Variants in RANBP17 observed in about 807,000 individuals in gnomAD.
The protein encoded by RANBP17 is ran-binding protein 17.
RANBP17 carries 158 observed loss-of-function variants against 141.2 expected under a neutral mutation model. The observed-to-expected ratio is 1.12, with a 90% CI of 0.98 to 1.28. RANBP17 has a LOEUF of 1.28. RANBP17 is among the 50% of genes most tolerant of loss of function. RANBP17 has a pLI of 0.00. For missense variants in RANBP17, 1,438 were observed against 1,290.7 expected, an observed-to-expected ratio of 1.11 and a Z score of -1.75; for synonymous variants, 430 against 450.0, an observed-to-expected ratio of 0.96 and a Z score of 0.56.
At chr5:170,902,960 C>T (rs570321242) in intron 5 of RANBP17, among the ~76,000 whole-genome samples, 7 of 152,310 alleles carry the variant, frequency 4.6e-5, no homozygotes, top group East Asian at 1.9e-4. Flanking sequence ...TGTCTGTTGA[C>T]GCCTGCTGGG....
At chr5:170,973,499 C>T (rs1777139042) in intron 14 of RANBP17, among the ~76,000 whole-genome samples, 1 of 151,964 alleles carries the variant, frequency 6.6e-6, no homozygotes, top group South Asian at 2.1e-4. Context: ...ACACAATAGA[C>T]AAAGTAATAA....
intron 14 of RANBP17, among the ~76,000 whole-genome samples, chr5:171,114,050 AAATT>A (rs1342975987): frequency 1.3e-5 from 2 of 152,106 alleles, no homozygotes; most frequent in African/African-American, 4.8e-5. Context: ...ATTTTAAAAT[AAATT>A]AATATTTTTT....
At chr5:170,882,694 T>G (rs1768814389) in intron 3 of RANBP17, among the ~76,000 whole-genome samples, 1 of 152,224 alleles carries the variant, frequency 6.6e-6, no homozygotes, top group South Asian at 2.1e-4. Flanking sequence ...ATCAAAATCA[T>G]TTGGGGTATA....
intron 16 of RANBP17, among the ~76,000 whole-genome samples, chr5:171,175,193 C>CTATCA (rs1349790202): frequency 6.6e-6 from 1 of 152,146 alleles, no homozygotes; most frequent in African/African-American, 2.4e-5. Flanking sequence ...TTTATCCAGT[C>CTATCA]TATCATTGAT....
intron 14 of RANBP17, among the ~76,000 whole-genome samples, chr5:171,104,015 G>A (rs757554822): frequency 3.3e-5 from 5 of 152,150 alleles, no homozygotes; most frequent in South Asian, 2.1e-4. Flanking sequence ...TGTTGGCCTC[G>A]CTGGGAGCTT....
intron 12 of RANBP17, among the ~76,000 whole-genome samples, chr5:170,930,570 TCCCC>T (rs1773283536): frequency 6.6e-6 from 1 of 151,816 alleles, no homozygotes; most frequent in African/African-American, 2.4e-5. Flanking sequence ...CTCCCCCCAC[TCCCC>T]GGCAGGCCCT....
chr5:170,973,114 G>C (rs1229841579), intron 14 of RANBP17, among the ~76,000 whole-genome samples: 1 of 152,078 alleles, frequency 6.6e-6, no homozygotes, highest in Admixed American at 6.6e-5. Flanking sequence ...TTAATGCCAG[G>C]GATGCAAAAG....
intron 21 of RANBP17, among the ~76,000 whole-genome samples, chr5:171,216,009 G>A (rs1000839262): frequency 6.6e-6 from 1 of 152,072 alleles, no homozygotes; most frequent in African/African-American, 2.4e-5. Flanking sequence ...GTATTGCCTA[G>A]GTTTTCTTCT....
chr5:171,017,441 C>A (rs1420728797), intron 14 of RANBP17, among the ~76,000 whole-genome samples: 1 of 152,178 alleles, frequency 6.6e-6, no homozygotes, highest in Non-Finnish European at 1.5e-5. Context: ...TTAATAATCA[C>A]CATTCTGGCT....
At position 171,060,654 on chromosome 5, in the gene RANBP17, G is replaced by T. The variant is rs540087212; in HGVS notation, c.1710+92277G>T. 2.2e-3 allele frequency among the ~76,000 whole-genome samples: 338 copies of T among 152,154 alleles called. 1 individual carries two copies. Among genetic ancestry groups the T allele is most frequent in the African/African-American group, 7.6e-3 (315 of 41,534 alleles). ...TTGGTTGTGTCTCTGCCAGGCTTTG[G>T]TATCAGGATGATGCTGGCCTCATAA... On this transcript the variant is annotated intron_variant, in intron 14 of 27. Transcript: ENST00000523189.
At chr5:171,100,747 A>G (rs1174034124) in intron 14 of RANBP17, among the ~76,000 whole-genome samples, 1 of 152,116 alleles carries the variant, frequency 6.6e-6, no homozygotes, top group Non-Finnish European at 1.5e-5. Flanking sequence ...AGTGCTATAA[A>G]TTTCCCTCTA....
intron 14 of RANBP17, among the ~76,000 whole-genome samples, chr5:170,973,103 A>G (rs1210879120): frequency 6.6e-6 from 1 of 152,182 alleles, no homozygotes; most frequent in Non-Finnish European, 1.5e-5. Context: ...ACCACTATGT[A>G]TTAATGCCAG....
intron 19 of RANBP17, among the ~76,000 whole-genome samples, chr5:171,203,587 A>G (rs371041315): frequency 2.2e-4 from 33 of 152,136 alleles, no homozygotes; most frequent in African/African-American, 7.7e-4. Context: ...TCATAGCCAC[A>G]TTTTGCCACT....
intron 14 of RANBP17, among the ~76,000 whole-genome samples, chr5:171,079,941 A>G (rs1298852442): frequency 6.6e-6 from 1 of 152,144 alleles, no homozygotes; most frequent in East Asian, 1.9e-4. Context: ...ATAAGTCTTG[A>G]CTGGTATTTA....
intron 14 of RANBP17, among the ~76,000 whole-genome samples, chr5:171,062,552 T>C (rs958921478): frequency 6.6e-6 from 1 of 152,210 alleles, no homozygotes; most frequent in African/African-American, 2.4e-5. Context: ...TGGGCTTCCC[T>C]TTGAGGGTAA....
intron 14 of RANBP17, among the ~76,000 whole-genome samples, chr5:171,049,932 G>A (rs560492492): frequency 2.0e-5 from 3 of 152,222 alleles, no homozygotes; most frequent in Admixed American, 6.5e-5. Flanking sequence ...CTTTTGCTTA[G>A]GATTGCTTTG....
chr5:171,015,857 T>G (rs2127595702), intron 14 of RANBP17, among the ~76,000 whole-genome samples: 1 of 152,314 alleles, frequency 6.6e-6, no homozygotes, highest in East Asian at 1.9e-4. Flanking sequence ...TCTGTATCTG[T>G]TGATATAGAG....
chr5:171,030,071 G>A (rs1157762240), intron 14 of RANBP17, among the ~76,000 whole-genome samples: 1 of 152,032 alleles, frequency 6.6e-6, no homozygotes. Context: ...ATGAACTGAA[G>A]TTAATATACT....
chr5:171,110,709 A>G (rs1328276421), intron 14 of RANBP17, among the ~76,000 whole-genome samples: 2 of 152,200 alleles, frequency 1.3e-5, no homozygotes. Flanking sequence ...TAGGTTAGAT[A>G]TAGAGTATTA....
Sources: gnomAD v4.1 joint callset for allele counts (sites outside exome capture counted in the v4.1 genomes callset) on GRCh38, gnomAD v4.1.1 for gene constraint, MANE v1.5 for transcripts, NCBI Gene and HGNC (gene_info 2026-07-23, HGNC 2026-07-21) for gene names.